The following CUL3 variants were observed in gnomAD, a reference collection of about 807,000 sequenced individuals.
CUL3 encodes the protein cullin-3.
Under a neutral mutation model 89.1 loss-of-function variants are expected in CUL3, and 19 were observed. The ratio of observed to expected loss-of-function variants is 0.21; its 90% confidence interval spans 0.15 to 0.31. CUL3 has a LOEUF of 0.31. CUL3 is among the 10% of genes least tolerant of loss of function. The probability of loss-of-function intolerance (pLI) is 1.00; values close to 1 mark genes in which losing one functional copy is unlikely to be tolerated. For missense variants in CUL3, 469 were observed against 942.3 expected (o/e 0.50, Z 6.58); for synonymous variants, 351 against 308.4 (o/e 1.14, Z -1.45).
At chr2:224,514,441 T>C (rs1334897594) in intron 4 of CUL3, among the ~76,000 whole-genome samples, 171 bp downstream of exon 4, 1 of 152,234 alleles carries the variant, frequency 6.6e-6, no homozygotes, top group Non-Finnish European at 1.5e-5. Flanking sequence ...AGATGTGTGC[T>C]TTCAAATTAA....
intron 1 of CUL3, among the ~76,000 whole-genome samples, chr2:224,568,483 T>C (rs1177349805): frequency 6.6e-6 from 1 of 152,220 alleles, no homozygotes; most frequent in Non-Finnish European, 1.5e-5. Context: ...CAATGTAATT[T>C]TGACAACACA....
intron 1 of CUL3, among the ~76,000 whole-genome samples, chr2:224,581,579 T>G (rs1256861620): frequency 6.6e-6 from 1 of 150,952 alleles, no homozygotes; most frequent in Non-Finnish European, 1.5e-5. Flanking sequence ...CTTGGCTCAC[T>G]GCAACCTCTG....
intron 13 of CUL3, among the ~76,000 whole-genome samples, chr2:224,488,909 C>A (rs987152138): frequency 1.3e-5 from 2 of 152,154 alleles, no homozygotes; most frequent in African/African-American, 4.8e-5. Context: ...AAAAGCTTAT[C>A]CACCATAATC....
intron 3 of CUL3, 22 bp from the exon 4 acceptor site, chr2:224,514,794 T>A: frequency 6.5e-7 from 1 of 1,545,378 alleles, no homozygotes; most frequent in African/African-American, 1.4e-5. Flanking sequence ...GTCATATAAA[T>A]ATGAGTACAG....
intron 4 of CUL3, 51 bp downstream of exon 4, chr2:224,514,561 A>T (rs775282432): frequency 6.9e-7 from 1 of 1,446,470 alleles, no homozygotes; most frequent in South Asian, 1.3e-5. Context: ...AATCGTTCTC[A>T]AGATATAATC....
chr2:224,474,397 T>C, intron 15 of CUL3, 21 bp from the exon 16 acceptor site: 1 of 1,604,308 alleles, frequency 6.2e-7, no homozygotes, highest in Non-Finnish European at 8.5e-7. Flanking sequence ...AAGTAGATAG[T>C]ATTTTTATAT....
At chr2:224,515,709 T>TG (rs1693013981) in intron 3 of CUL3, among the ~76,000 whole-genome samples, 2 of 151,922 alleles carry the variant, frequency 1.3e-5, no homozygotes, top group African/African-American at 4.8e-5. Context: ...TTTTTTTTTT[T>TG]GAGATGGAGT....
intron 2 of CUL3, among the ~76,000 whole-genome samples, chr2:224,553,274 C>T (rs1423825996): frequency 6.6e-6 from 1 of 152,158 alleles, no homozygotes; most frequent in African/African-American, 2.4e-5. Context: ...AAACCTAATT[C>T]ACTGTAAATA....
intron 2 of CUL3, among the ~76,000 whole-genome samples, chr2:224,551,455 T>C (rs1034234320): frequency 3.3e-5 from 5 of 152,066 alleles, no homozygotes; most frequent in Non-Finnish European, 7.4e-5. Context: ...TCTGCCCACC[T>C]GGGCCTCCCA....
chr2:224,490,608 G>C (rs1691932214), intron 13 of CUL3, among the ~76,000 whole-genome samples: 1 of 151,740 alleles, frequency 6.6e-6, no homozygotes, highest in Non-Finnish European at 1.5e-5. Context: ...CGACCCTGTG[G>C]GGCTGGACCC....
chr2:224,584,481 AGAGAGG>A lies in CUL3; in HGVS notation c.66+457_66+462del, dbSNP rs551043249. On this transcript the variant is annotated intron_variant, in intron 1 of 15. Transcript: ENST00000264414. Reference sequence around the variant, plus strand: ...GACCTTCCTGGGGAGGGGGGCAGAGAGAGAGGGCAGCCCCTTCATCACCCTAAAAGC... The same window carrying A: ...GACCTTCCTGGGGAGGGGGGCAGAGAGCAGCCCCTTCATCACCCTAAAAGC... 1.2e-4 allele frequency among the ~76,000 whole-genome samples: 18 copies of A among 152,026 alleles called. No individual in the cohort carries two copies. In the South Asian group the frequency reaches 3.3e-3, roughly 28 times the overall value.
intron 13 of CUL3, among the ~76,000 whole-genome samples, chr2:224,489,273 G>C (rs1178414349): frequency 6.6e-6 from 1 of 152,176 alleles, no homozygotes; most frequent in African/African-American, 2.4e-5. Context: ...TCAGGCAACA[G>C]AAAGAAATAA....
At chr2:224,551,069 T>A (rs900664545) in intron 2 of CUL3, among the ~76,000 whole-genome samples, 1 of 138,648 alleles carries the variant, frequency 7.2e-6, no homozygotes, top group Non-Finnish European at 1.6e-5. Context: ...AGCCTCCAGC[T>A]TTTTTTTTTT....
chr2:224,491,997 T>C (rs1362845838), intron 13 of CUL3, among the ~76,000 whole-genome samples: 3 of 152,234 alleles, frequency 2.0e-5, no homozygotes, highest in Non-Finnish European at 2.9e-5. Context: ...CTACTGAATA[T>C]GACTTGCTAA....
At chr2:224,510,833 C>G (rs1692796922) in intron 6 of CUL3, among the ~76,000 whole-genome samples, 1 of 152,204 alleles carries the variant, frequency 6.6e-6, no homozygotes, top group Non-Finnish European at 1.5e-5. Context: ...CTTTTCCATT[C>G]TGTAACTTCA....
In CUL3 at chr2:224,558,349, T is replaced by C. The variant is rs1288773351; in HGVS notation, c.67-493A>G. On this transcript the variant is annotated intron_variant, in intron 1 of 15. Coordinates refer to ENST00000264414, the MANE Select transcript of CUL3 (RefSeq NM_003590.5). Reference sequence around the variant, plus strand: ...CCTTCATGCAACCCCACAATTCCACTAGTCAGTCTACTCACTCTACTCTTC... The same window carrying C: ...CCTTCATGCAACCCCACAATTCCACCAGTCAGTCTACTCACTCTACTCTTC... Among the ~76,000 whole-genome samples, 12 of 152,288 alleles carry C rather than the reference T, an allele frequency of 7.9e-5. No homozygotes were observed. In the South Asian group the frequency reaches 1.9e-3, roughly 24 times the overall value.
chr2:224,470,827 T>C lies in CUL3; in HGVS notation c.*3418A>G, dbSNP rs545410048. ...TTAACTTTAGTTTGTCACATTACTATTCATGTGAATGAGGTACAAAATAAA... is the reference window on the plus strand; with the variant it reads ...TTAACTTTAGTTTGTCACATTACTACTCATGTGAATGAGGTACAAAATAAA... On this transcript the variant is annotated 3_prime_UTR_variant, in exon 16 of 16. Coordinates refer to ENST00000264414, the MANE Select transcript of CUL3 (RefSeq NM_003590.5). 4.3e-6 allele frequency: 1 copy of C among 230,666 alleles called. No individual in the cohort carries two copies. Among genetic ancestry groups the C allele is most frequent in the Non-Finnish European group, 8.6e-6 (1 of 116,454 alleles). 14.3% of individuals were successfully genotyped at this position (230,666 alleles called of 1,614,324 possible).
rs527808211 is a variant in CUL3, at chr2:224,578,345, C to T, written c.66+6599G>A. The stretch of plus-strand genomic sequence containing the variant: ...ACAGTAAGAAATTTTTTAACAGCAG[C>T]ATATACAATGATTATCTTACCTTAA... On this transcript the variant is annotated intron_variant, in intron 1 of 15. Coordinates refer to ENST00000264414, the MANE Select transcript of CUL3 (RefSeq NM_003590.5). Among the ~76,000 whole-genome samples, 14 of 152,200 alleles carry T rather than the reference C, an allele frequency of 9.2e-5. No homozygotes were observed. In the South Asian group the frequency reaches 2.9e-3, roughly 32 times the overall value.
At chr2:224,510,742 C>T (rs1356267387) in intron 6 of CUL3, among the ~76,000 whole-genome samples, 1 of 151,808 alleles carries the variant, frequency 6.6e-6, no homozygotes, top group Non-Finnish European at 1.5e-5. Flanking sequence ...TTTCTTTTAC[C>T]CCAGGAAAAT....
Sources: gnomAD v4.1 joint callset for allele counts (sites outside exome capture counted in the v4.1 genomes callset) on GRCh38, gnomAD v4.1.1 for gene constraint, MANE v1.5 for transcripts, NCBI Gene and HGNC (gene_info 2026-07-23, HGNC 2026-07-21) for gene names.